The following UNC13A variants were observed in gnomAD, a reference collection of about 807,000 sequenced individuals.
UNC13A encodes unc-13 homolog A.
Under a neutral mutation model 219.7 loss-of-function variants are expected in UNC13A, and 61 were observed. That is an observed-to-expected ratio of 0.28 (90% CI 0.23 to 0.34). The LOEUF (loss-of-function observed/expected upper bound fraction) is 0.34. Ranked by LOEUF, UNC13A falls within the 10% of genes least tolerant of loss-of-function variation. The pLI is 1.00. For missense variants in UNC13A, 1,476 were observed against 2,270.3 expected (o/e 0.65, Z 7.11); for synonymous variants, 920 against 884.6 (o/e 1.04, Z -0.71).
chr19:17,661,748 G>T (rs2079554268), intron 8 of UNC13A, among the ~76,000 whole-genome samples: 1 of 152,150 alleles, frequency 6.6e-6, no homozygotes, highest in African/African-American at 2.4e-5. Context: ...GATTTCTCTA[G>T]AAGAGGCGGG....
At chr19:17,679,411 A>T (rs755606252) in intron 1 of UNC13A, among the ~76,000 whole-genome samples, 31 of 150,864 alleles carry the variant, frequency 2.1e-4, no homozygotes, top group South Asian at 4.2e-4. Context: ...AAAAATATAT[A>T]ATAATAATAA....
chr19:17,684,966 T>C (rs560994047), intron 1 of UNC13A, among the ~76,000 whole-genome samples: 1 of 152,342 alleles, frequency 6.6e-6, no homozygotes, highest in South Asian at 2.1e-4. Context: ...TATTTGTTTA[T>C]CTGCATACAT....
chr19:17,645,785 TGTC>T lies in UNC13A; in HGVS notation c.2242_2244del (p.Asp748del). ...AACCTCTGTTTCACGCGGGATTTGA[TGTC>T]GTCATCCTCGTCCCAGACGCGCACC... On this transcript the variant is annotated inframe_deletion, in exon 19 of 44. Coordinates refer to ENST00000519716, the MANE Select transcript of UNC13A (RefSeq NM_001080421.3). 1 of 1,614,004 alleles carries T rather than the reference TGTC, an allele frequency of 6.2e-7. No homozygotes were observed. The highest frequency in any genetic ancestry group is 8.5e-7 in the Non-Finnish European group (1 of 1,179,924).
At position 17,641,427 on chromosome 19, in the gene UNC13A, G is replaced by A; in HGVS notation, c.2602C>T (p.Arg868Cys). The A allele has an allele frequency of 6.2e-7, 1 of 1,614,056 alleles. No individual in the cohort carries two copies. Among genetic ancestry groups the A allele is most frequent in the East Asian group, 2.2e-5 (1 of 44,884 alleles). Residue 868 changes from arginine (R) to cysteine (C), a missense_variant, in exon 21 of 44, where the codon CGC becomes TGC. Arg to Cys is a radical substitution (Grantham distance 180, BLOSUM62 -3). Coordinates refer to ENST00000519716, the MANE Select transcript of UNC13A (RefSeq NM_001080421.3). ...AQEIVDEFAM[R>C]YGVESIYQAM... The stretch of plus-strand genomic sequence containing the variant: ...TGGTAGATGGACTCGACGCCGTAGC[G>A]CATGGCAAACTCGTCCACAATCTCC...
chr19:17,668,383 C>T (rs984342598), intron 5 of UNC13A, among the ~76,000 whole-genome samples, 193 bp from the exon 6 acceptor site: 45 of 152,164 alleles, frequency 3.0e-4, no homozygotes, highest in African/African-American at 9.4e-4. Flanking sequence ...GTGCCTCTGA[C>T]GCCCCTCTTC....
chr19:17,625,373 G>A lies in UNC13A; in HGVS notation c.4074-421C>T, dbSNP rs115449064. Among the ~76,000 whole-genome samples the A allele has an allele frequency of 8.7e-3, 1,324 of 152,140 alleles. 17 individuals are homozygous for A. The highest frequency in any genetic ancestry group is 0.029 in the African/African-American group (1,221 of 41,486). On this transcript the variant is annotated intron_variant, in intron 34 of 43. Transcript: ENST00000519716. The stretch of plus-strand genomic sequence containing the variant: ...ACAGGAGGGGAATGGTCAGAGGAGG[G>A]CAGACTTGAAAGGGAAAACAGCAAA...
chr19:17,612,099 A>T (rs976745742), intron 41 of UNC13A: 1 of 387,748 alleles, frequency 2.6e-6, no homozygotes, highest in Non-Finnish European at 4.6e-6. Context: ...GCCTAATGCA[A>T]TTCTTTTCTT....
intron 19 of UNC13A, among the ~76,000 whole-genome samples, chr19:17,645,194 A>G (rs920772635): frequency 3.3e-5 from 5 of 151,280 alleles, no homozygotes; most frequent in Admixed American, 1.3e-4. Flanking sequence ...TTTTTAGTGG[A>G]GACGGGGTTT....
At chr19:17,610,220 C>A in intron 42 of UNC13A, 121 bp from the exon 43 acceptor site, 1 of 1,348,480 alleles carries the variant, frequency 7.4e-7, no homozygotes, top group Non-Finnish European at 1.0e-6. Flanking sequence ...AATCCCACCA[C>A]TTCGGGAGGC....
chr19:17,610,194 A>G, intron 42 of UNC13A, 95 bp from the exon 43 acceptor site: 1 of 1,540,872 alleles, frequency 6.5e-7, no homozygotes, highest in Non-Finnish European at 8.9e-7. Flanking sequence ...GGCTGGGCGC[A>G]GTGGCTCACG....
intron 43 of UNC13A, among the ~76,000 whole-genome samples, chr19:17,607,798 TC>T (rs1465623701): frequency 6.6e-6 from 1 of 150,532 alleles, no homozygotes. Context: ...AGGCTGACAC[TC>T]GACCCAAGGA....
rs1023763939 is a variant in UNC13A at position 17,655,819 on chromosome 19, C to G, written c.1283+64G>C. Reference sequence around the variant, plus strand: ...CTTCCCAGGTCCACGCTGACCCCATCATAGCCCTGCTGACCCTGTGACCTT... The same window carrying G: ...CTTCCCAGGTCCACGCTGACCCCATGATAGCCCTGCTGACCCTGTGACCTT... On this transcript the variant is annotated intron_variant, in intron 10 of 43. Coordinates refer to ENST00000519716, the MANE Select transcript of UNC13A (RefSeq NM_001080421.3). The G allele has an allele frequency of 3.4e-6, 5 of 1,455,318 alleles. No homozygotes were observed. In the African/African-American group the frequency reaches 5.7e-5, roughly 17 times the overall value. The allele number at this position is 1,455,318 out of a possible 1,614,324, so 90.2% of individuals were successfully genotyped here.
At chr19:17,654,062 C>T (rs534415932) in intron 11 of UNC13A, among the ~76,000 whole-genome samples, 21 of 149,666 alleles carry the variant, frequency 1.4e-4, no homozygotes, top group African/African-American at 3.9e-4. Context: ...CTCCTGACCT[C>T]GTGATCCACC....
At position 17,636,148 on chromosome 19, in the gene UNC13A, C is replaced by G. The variant is rs745936227; in HGVS notation, c.3091G>C (p.Gly1031Arg). The G allele has an allele frequency of 1.9e-6, 3 of 1,596,564 alleles. No homozygotes were observed. The highest frequency in any genetic ancestry group is 2.6e-6 in the Non-Finnish European group (3 of 1,171,014). ...REYQTDPAKK[G>R]EVLPEEQGPS... ...CCCTGTTCCTCTGGGAGAACTTCCC[C>G]CTTCTTGGCCTGAAATGGACAGTGG... The change falls in exon 26 of 44, where the codon GGG becomes CGG. Residue 1031 changes from glycine (G) to arginine (R), a missense_variant. By Grantham distance (125) the Gly-to-Arg change is moderately radical. This residue lies in a region of UNC13A where 24 missense variants were observed against 16.0 expected (regional missense o/e 1.50). Transcript: ENST00000519716.
At position 17,627,717 on chromosome 19, in the gene UNC13A, C is replaced by T; in HGVS notation, c.3832-120G>A. The T allele has an allele frequency of 1.6e-6, 2 of 1,247,390 alleles. No individual in the cohort carries two copies. The highest frequency in any genetic ancestry group is 2.3e-6 in the Non-Finnish European group (2 of 882,410). The allele number at this position is 1,247,390 out of a possible 1,614,324, so 77.3% of individuals were successfully genotyped here. On this transcript the variant is annotated intron_variant, in intron 32 of 43. Transcript: ENST00000519716. The surrounding 1 kb of genome is among the most constrained non-coding windows in gnomAD (Gnocchi z 4.7). Reference sequence around the variant, plus strand: ...GCTGCAGGGGAAACTGAGGCACAGACCGTTATGCTGCAAGCCTGGGTTTAA... The same window carrying T: ...GCTGCAGGGGAAACTGAGGCACAGATCGTTATGCTGCAAGCCTGGGTTTAA...
At chr19:17,657,981 C>T in intron 9 of UNC13A, 81 bp downstream of exon 9, 5 of 1,451,736 alleles carry the variant, frequency 3.4e-6, no homozygotes, top group Non-Finnish European at 4.7e-6. Flanking sequence ...CCACCTCCAG[C>T]TCTGTCCAGC....
In UNC13A at chr19:17,640,679, G is replaced by A; in HGVS notation, c.2637-18C>T. 1 of 1,564,092 alleles carries A rather than the reference G, an allele frequency of 6.4e-7. No homozygotes were observed. Among genetic ancestry groups the A allele is most frequent in the Non-Finnish European group, 8.7e-7 (1 of 1,155,620 alleles). On this transcript the variant is annotated intron_variant, in intron 21 of 43. Coordinates refer to ENST00000519716, the MANE Select transcript of UNC13A (RefSeq NM_001080421.3). ...CAAAGTGGCTGGAGAGAGGGAGCAG[G>A]AGGCACTAGGCCAGGGGTCCAGCCA...
At chr19:17,624,990 C>T (rs753887409) in intron 34 of UNC13A, 38 bp from the exon 35 acceptor site, 8 of 1,596,422 alleles carry the variant, frequency 5.0e-6, no homozygotes, top group East Asian at 2.2e-5. Flanking sequence ...GGGCCCAGCT[C>T]GCCCCCACCC....
At chr19:17,628,465 G>A in intron 31 of UNC13A, 1 of 170,110 alleles carries the variant, frequency 5.9e-6, no homozygotes, top group Non-Finnish European at 1.3e-5. Context: ...ACCCAGACGT[G>A]CACAAACACA....
Sources: allele counts gnomAD v4.1 joint callset (sites outside exome capture counted in the v4.1 genomes callset), GRCh38; gene constraint gnomAD v4.1.1; regional missense constraint gnomAD v4.1.1; non-coding constraint Gnocchi (gnomAD v3.1); transcripts MANE v1.5; gene names NCBI Gene and HGNC (gene_info 2026-07-23, HGNC 2026-07-21).